TNRC6A: variants seen among roughly 807,000 people sequenced by gnomAD.
TNRC6A encodes trinucleotide repeat-containing gene 6A protein.
TNRC6A carries 44 observed loss-of-function variants against 221.2 expected under a neutral mutation model. The observed-to-expected ratio is 0.20, with a 90% CI of 0.16 to 0.26. The LOEUF is 0.26. Ranked by LOEUF, TNRC6A falls within the 10% of genes least tolerant of loss-of-function variation. TNRC6A has a pLI of 1.00. For synonymous variants in TNRC6A, 847 were observed against 838.5 expected, an observed-to-expected ratio of 1.01 and a Z score of -0.18; for missense variants, 2,199 against 2,404.4, an observed-to-expected ratio of 0.91 and a Z score of 1.79.
chr16:24,675,016 T>G (rs2055379804), intron 2 of TNRC6A, among the ~76,000 whole-genome samples: 1 of 152,054 alleles, frequency 6.6e-6, no homozygotes, highest in East Asian at 1.9e-4. Flanking sequence ...TGTGGTGGCA[T>G]GCGTCTGTAG....
rs183478120 is a variant in TNRC6A at position 24,801,027 on chromosome 16, C to T, written c.3694+3061C>T. Among the ~76,000 whole-genome samples, 4 of 152,170 alleles carry T rather than the reference C, an allele frequency of 2.6e-5. No homozygotes were observed. The East Asian group carries it at 5.8e-4, about 22-fold the overall frequency. On this transcript the variant is annotated intron_variant, in intron 11 of 24. Coordinates refer to ENST00000395799, the MANE Select transcript of TNRC6A (RefSeq NM_014494.4). ...GAGAGACAATAAATCAATAAATGGT[C>T]ATTATTTGAGTTAAGAAATACAGGA... is the stretch of plus-strand genomic sequence containing the variant.
chr16:24,625,472 T>A (rs974676510), intron 1 of TNRC6A, among the ~76,000 whole-genome samples: 3 of 151,934 alleles, frequency 2.0e-5, no homozygotes, highest in Admixed American at 6.6e-5. Flanking sequence ...ATTAGCTCGA[T>A]CCCAGCACTT....
At chr16:24,648,349 G>A (rs1336488753) in intron 2 of TNRC6A, among the ~76,000 whole-genome samples, 19 of 132,752 alleles carry the variant, frequency 1.4e-4, no homozygotes, top group African/African-American at 5.4e-4. Flanking sequence ...TTGGCTCACT[G>A]CAACCTCCAA....
intron 1 of TNRC6A, among the ~76,000 whole-genome samples, chr16:24,640,412 G>GA (rs57974727): frequency 0.19 from 25,189 of 135,936 alleles, 2,634 homozygotes; most frequent in African/African-American, 0.31. Flanking sequence ...AAAAAAGAAA[G>GA]AAAAAAAAAA....
intron 2 of TNRC6A, among the ~76,000 whole-genome samples, chr16:24,689,803 T>C (rs1333380062): frequency 6.6e-6 from 1 of 151,902 alleles, no homozygotes; most frequent in Non-Finnish European, 1.5e-5. Context: ...TAGGCTAAAA[T>C]GCAGTGGTGC....
intron 2 of TNRC6A, among the ~76,000 whole-genome samples, chr16:24,714,416 C>T (rs1411501184): frequency 1.4e-5 from 2 of 142,286 alleles, no homozygotes; most frequent in Non-Finnish European, 3.0e-5. Flanking sequence ...TCACACCATT[C>T]TCCTGCCTCA....
intron 2 of TNRC6A, among the ~76,000 whole-genome samples, chr16:24,696,111 G>A (rs565132418): frequency 1.2e-4 from 19 of 152,192 alleles, no homozygotes; most frequent in Admixed American, 5.9e-4. Context: ...CACTTTGGGA[G>A]GCCGAGGCGG....
At chr16:24,767,927 A>G (rs2057508149) in intron 4 of TNRC6A, among the ~76,000 whole-genome samples, 1 of 152,184 alleles carries the variant, frequency 6.6e-6, no homozygotes, top group African/African-American at 2.4e-5. Flanking sequence ...AGATTGCTAC[A>G]GTGTCTTCCA....
intron 2 of TNRC6A, among the ~76,000 whole-genome samples, chr16:24,737,624 TAC>T (rs1237768299): frequency 7.9e-5 from 12 of 152,258 alleles, no homozygotes; most frequent in African/African-American, 2.9e-4. Context: ...CTTTGAACCT[TAC>T]AAGATATTTT....
intron 4 of TNRC6A, among the ~76,000 whole-genome samples, chr16:24,764,022 A>G (rs1283373183): frequency 9.9e-5 from 15 of 152,196 alleles, no homozygotes; most frequent in Non-Finnish European, 2.9e-5. Flanking sequence ...TCCAGTATAC[A>G]ATACAATATT....
intron 1 of TNRC6A, among the ~76,000 whole-genome samples, chr16:24,614,098 G>A (rs747884698): frequency 1.2e-4 from 19 of 152,194 alleles, no homozygotes; most frequent in Non-Finnish European, 2.1e-4. Context: ...GTTCGTGGAT[G>A]ATCTCACCCA....
chr16:24,709,560 C>T (rs1378831196), intron 2 of TNRC6A, among the ~76,000 whole-genome samples: 4 of 151,952 alleles, frequency 2.6e-5, no homozygotes, highest in South Asian at 2.1e-4. Flanking sequence ...CCTGGTGGCT[C>T]ACACTGTAAT....
At chr16:24,636,233 C>G (rs1901630625) in intron 1 of TNRC6A, among the ~76,000 whole-genome samples, 1 of 152,114 alleles carries the variant, frequency 6.6e-6, no homozygotes, top group Non-Finnish European at 1.5e-5. Context: ...TTATACTTGA[C>G]CTATTGGAAT....
At chr16:24,686,741 C>T (rs1473096350) in intron 2 of TNRC6A, among the ~76,000 whole-genome samples, 3 of 152,232 alleles carry the variant, frequency 2.0e-5, no homozygotes, top group Non-Finnish European at 2.9e-5. Context: ...ATCGGTGCCG[C>T]GACAGAGGCC....
chr16:24,732,188 C>T (rs1052868478), intron 2 of TNRC6A, among the ~76,000 whole-genome samples: 1 of 152,176 alleles, frequency 6.6e-6, no homozygotes, highest in Non-Finnish European at 1.5e-5. Context: ...TAAAAGTGTT[C>T]TGAGGAAGGA....
intron 2 of TNRC6A, among the ~76,000 whole-genome samples, chr16:24,717,715 G>A (rs1485625220): frequency 6.8e-6 from 1 of 147,804 alleles, no homozygotes; most frequent in Non-Finnish European, 1.5e-5. Context: ...AACGATGCTT[G>A]TTGTCACGTC....
chr16:24,662,505 G>T (rs1451612812), intron 2 of TNRC6A: 1 of 151,122 alleles, frequency 6.6e-6, no homozygotes, highest in African/African-American at 2.5e-5. Flanking sequence ...AAAAAAAAAG[G>T]ATAATTAGAT....
rs11644562 is a variant in TNRC6A, at chr16:24,777,113, C to G, written c.344C>G (p.Pro115Arg). Reference protein sequence around the residue: ...QQQQPQQQPQPQPQQQQPQQQ... With the variant: ...QQQQPQQQPQRQPQQQQPQQQ... ...CAGCAGCCACAGCAGCAGCCACAGC[C>G]GCAGCCGCAGCAGCAGCAGCCACAG... The change falls in exon 5 of 25, where the codon CCG becomes CGG. Residue 115 changes from proline (P) to arginine (R), a missense_variant. By Grantham distance (103) the Pro-to-Arg change is moderately radical (BLOSUM62 -2). This residue lies in a region of TNRC6A where 1,405 missense variants were observed against 1,400.2 expected (regional missense o/e 1.00). Coordinates refer to ENST00000395799, the MANE Select transcript of TNRC6A (RefSeq NM_014494.4). 1.8e-6 allele frequency: 2 copies of G among 1,089,554 alleles called. No homozygotes were observed. The highest frequency in any genetic ancestry group is 3.3e-5 in the African/African-American group (2 of 60,590). 67.5% of individuals were successfully genotyped at this position (1,089,554 alleles called of 1,614,324 possible).
At chr16:24,756,470 C>G (rs1458578864) in intron 3 of TNRC6A, among the ~76,000 whole-genome samples, 1 of 152,170 alleles carries the variant, frequency 6.6e-6, no homozygotes, top group Non-Finnish European at 1.5e-5. Flanking sequence ...TACTTTCATT[C>G]CTTGTATACA....
Sources: allele counts gnomAD v4.1 joint callset (sites outside exome capture counted in the v4.1 genomes callset), GRCh38; gene constraint gnomAD v4.1.1; regional missense constraint gnomAD v4.1.1; transcripts MANE v1.5; gene names NCBI Gene and HGNC (gene_info 2026-07-23, HGNC 2026-07-21).